Variants in COL13A1 observed in about 807,000 individuals in gnomAD.
COL13A1 encodes collagen alpha-1(XIII) chain.
In COL13A1, 89 loss-of-function variants were observed where a neutral mutation model predicts 130.9. That is an observed-to-expected ratio of 0.68 (90% CI 0.57 to 0.81). COL13A1 has a LOEUF of 0.81. COL13A1 is among the 30% of genes least tolerant of loss of function. The probability of loss-of-function intolerance (pLI) is 0.00; values close to 1 mark genes in which losing one functional copy is unlikely to be tolerated. For synonymous variants in COL13A1, 402 were observed against 341.6 expected (o/e 1.18, Z -1.95); for missense variants, 879 against 934.6 (o/e 0.94, Z 0.78).
chr10:69,891,252 TA>T (rs2061138623), intron 10 of COL13A1, among the ~76,000 whole-genome samples: 2 of 152,218 alleles, frequency 1.3e-5, no homozygotes, highest in African/African-American at 4.8e-5. Flanking sequence ...AATCTTGGTA[TA>T]ACAAAAACCT....
intron 17 of COL13A1, among the ~76,000 whole-genome samples, chr10:69,909,433 C>T (rs530596339): frequency 6.6e-6 from 1 of 152,362 alleles, no homozygotes; most frequent in African/African-American, 2.4e-5. Context: ...TCCACTGCTC[C>T]CAACCTGTCA....
At chr10:69,875,262 C>A in intron 5 of COL13A1, 99 bp downstream of exon 5, 1 of 1,458,042 alleles carries the variant, frequency 6.9e-7, no homozygotes, top group Non-Finnish European at 9.6e-7. Context: ...ATCCCAGGCC[C>A]AAGGAGGGGG....
chr10:69,818,820 C>T (rs959396949), intron 1 of COL13A1, among the ~76,000 whole-genome samples: 4 of 152,216 alleles, frequency 2.6e-5, no homozygotes, highest in African/African-American at 9.6e-5. Context: ...AATGCCCACC[C>T]CCTATGGTGA....
At chr10:69,949,457 C>G (rs770962830) in intron 38 of COL13A1, among the ~76,000 whole-genome samples, 1 of 152,248 alleles carries the variant, frequency 6.6e-6, no homozygotes, top group Non-Finnish European at 1.5e-5. Flanking sequence ...GCTGGAATTA[C>G]AGACATGAGC....
In COL13A1 at chr10:69,887,442, T is replaced by G. The variant is rs764759001; in HGVS notation, c.514-14T>G. ...TTGCTCAATCTCATGTGTCTCTTGT[T>G]TTTTTTTTTTCAGGGTCAACCAGGA... On this transcript the variant is annotated splice_polypyrimidine_tract_variant and intron_variant, in intron 7 of 40. Coordinates refer to ENST00000645393, the MANE Select transcript of COL13A1 (RefSeq NM_001368882.1). The G allele has an allele frequency of 2.0e-6, 3 of 1,509,178 alleles. No individual in the cohort carries two copies. Among genetic ancestry groups the G allele is most frequent in the Non-Finnish European group, 2.7e-6 (3 of 1,108,668 alleles). The allele number at this position is 1,509,178 out of a possible 1,614,324, so 93.5% of individuals were successfully genotyped here. A position where few individuals can be genotyped will look rare whatever the true frequency, so the allele number is the denominator to read the frequency against.
At chr10:69,905,057 A>ATCCCTCTCTGCTCCT in intron 16 of COL13A1, 98 bp downstream of exon 16, 2 of 1,361,242 alleles carry the variant, frequency 1.5e-6, no homozygotes, top group Non-Finnish European at 2.0e-6. Flanking sequence ...AGGAGCAGAG[A>ATCCCTCTCTGCTCCT]GGGATCTCAG....
chr10:69,957,314 A>C (rs572671166), intron 40 of COL13A1, among the ~76,000 whole-genome samples: 51 of 152,350 alleles, frequency 3.3e-4, no homozygotes, highest in African/African-American at 1.2e-3. Context: ...CAATGTACAT[A>C]GTGTCTTTCC....
In COL13A1 at chr10:69,922,750, G is replaced by A. The variant is rs1338142140; in HGVS notation, c.1186G>A (p.Gly396Arg). ...TGGCAACTCCATTGGAGGAGGCAGAGGGGAACCTGGCCCTCCAGGGCTCCC... is the reference window on the plus strand; with the variant it reads ...TGGCAACTCCATTGGAGGAGGCAGAAGGGAACCTGGCCCTCCAGGGCTCCC... ...DAGNSIGGGR[G>R]EPGPPGLPGP... The change falls in exon 23 of 41, where the codon GGG (glycine) becomes AGG (arginine). Residue 396 changes from glycine to arginine, a missense_variant. This residue lies in a region of COL13A1 where 715 missense variants were observed against 721.0 expected (regional missense o/e 0.99). Coordinates refer to ENST00000645393, the MANE Select transcript of COL13A1 (RefSeq NM_001368882.1). 2 of 1,606,100 alleles carry A rather than the reference G, an allele frequency of 1.2e-6. No homozygotes were observed. The highest frequency in any genetic ancestry group is 1.7e-6 in the Non-Finnish European group (2 of 1,176,746).
intron 9 of COL13A1, 111 bp downstream of exon 9, chr10:69,888,441 T>C: frequency 6.8e-7 from 1 of 1,465,508 alleles, no homozygotes; most frequent in Non-Finnish European, 9.3e-7. Flanking sequence ...AGAAAAGTCC[T>C]GGGGCTGAAG....
At chr10:69,876,879 A>T (rs1193545850) in intron 5 of COL13A1, among the ~76,000 whole-genome samples, 1 of 152,158 alleles carries the variant, frequency 6.6e-6, no homozygotes, top group African/African-American at 2.4e-5. Flanking sequence ...GAGTGCAGAG[A>T]CAGGCCCACA....
At chr10:69,924,744 C>T (rs529986109) in intron 24 of COL13A1, among the ~76,000 whole-genome samples, 19 of 152,216 alleles carry the variant, frequency 1.2e-4, no homozygotes, top group African/African-American at 2.6e-4. Context: ...ACAGAAAGAA[C>T]GCCACCGAGT....
chr10:69,917,357 C>T (rs1317593495), intron 18 of COL13A1, 24 bp downstream of exon 18: 8 of 1,606,210 alleles, frequency 5.0e-6, no homozygotes, highest in African/African-American at 2.7e-5. Context: ...CCCCACATCC[C>T]AGGCAGCCCC....
intron 35 of COL13A1, among the ~76,000 whole-genome samples, chr10:69,941,387 C>G (rs991375555): frequency 1.3e-5 from 2 of 152,224 alleles, no homozygotes; most frequent in African/African-American, 4.8e-5. Flanking sequence ...ACACCAGTGT[C>G]TGTGTGTGCC....
Position 69,825,978 on chromosome 10 carries a change from G to A in COL13A1, c.364+3540G>A, listed in dbSNP as rs75595994. ...TCAACCCTCAGTTAGGAGGGTCATGGCTGCCAGAAGTTCAGAGGAATAGGT... is the reference window on the plus strand; with the variant it reads ...TCAACCCTCAGTTAGGAGGGTCATGACTGCCAGAAGTTCAGAGGAATAGGT... On this transcript the variant is annotated intron_variant, in intron 2 of 40. Transcript: ENST00000645393. Among the ~76,000 whole-genome samples the A allele has an allele frequency of 1.1e-3, 164 of 152,294 alleles. 2 individuals are homozygous for A. The East Asian group carries it at 0.025, about 23-fold the overall frequency.
rs542714328 is a variant in COL13A1 at position 69,903,088 on chromosome 10, G to A, written c.858+233G>A. On this transcript the variant is annotated intron_variant, in intron 15 of 40. Coordinates refer to ENST00000645393, the MANE Select transcript of COL13A1 (RefSeq NM_001368882.1). ...TTCCCTGCCTTCCAGGGAGGAGACC[G>A]CCAATGGCCTGCCTGCCCCGTTCCC... Among the ~76,000 whole-genome samples, 16 of 152,306 alleles carry A rather than the reference G, an allele frequency of 1.1e-4. No homozygotes were observed. In the South Asian group the frequency reaches 2.9e-3, roughly 28 times the overall value.
chr10:69,933,706 G>A (rs2066461575), intron 31 of COL13A1, among the ~76,000 whole-genome samples: 1 of 152,180 alleles, frequency 6.6e-6, no homozygotes, highest in Non-Finnish European at 1.5e-5. Flanking sequence ...TTCAGGAAAA[G>A]CATTATACGC....
intron 17 of COL13A1, among the ~76,000 whole-genome samples, chr10:69,913,908 G>A (rs543821362): frequency 2.6e-5 from 4 of 152,202 alleles, no homozygotes; most frequent in East Asian, 1.9e-4. Flanking sequence ...AAGGAAGCCC[G>A]GGTCACTTGC....
At chr10:69,876,566 G>A (rs574950815) in intron 5 of COL13A1, among the ~76,000 whole-genome samples, 1 of 152,258 alleles carries the variant, frequency 6.6e-6, no homozygotes, top group Non-Finnish European at 1.5e-5. Context: ...GAGCACAGTG[G>A]AATTGCTGCC....
chr10:69,953,187 C>T (rs2069942339), intron 39 of COL13A1, among the ~76,000 whole-genome samples: 1 of 152,212 alleles, frequency 6.6e-6, no homozygotes, highest in African/African-American at 2.4e-5. Flanking sequence ...GCCTTTGAAT[C>T]CTTTTCCTTT....
Sources: gnomAD v4.1 joint callset for allele counts (sites outside exome capture counted in the v4.1 genomes callset) on GRCh38, gnomAD v4.1.1 for gene constraint, gnomAD v4.1.1 regional missense constraint, MANE v1.5 for transcripts, NCBI Gene and HGNC (gene_info 2026-07-23, HGNC 2026-07-21) for gene names.